REDIC1: variants seen among roughly 807,000 people sequenced by gnomAD.
REDIC1 encodes the protein HEI10 Interacting Protein 1.
At chr12:39,821,476 G>C in the REDIC1 span, among the ~76,000 whole-genome samples, 8 of 152,070 alleles carry the variant, frequency 5.3e-5, no homozygotes, top group Non-Finnish European at 1.2e-4. Flanking sequence ...ATATCAGTCA[G>C]AAGAGAATAG....
At chr12:39,713,641 A>G in the REDIC1 span, among the ~76,000 whole-genome samples, 4 of 149,704 alleles carry the variant, frequency 2.7e-5, no homozygotes, top group African/African-American at 7.3e-5. Context: ...GTACATATGT[A>G]TATATACCTG....
the REDIC1 span, among the ~76,000 whole-genome samples, chr12:39,890,226 TG>T: frequency 1.3e-5 from 2 of 152,192 alleles, no homozygotes; most frequent in African/African-American, 4.8e-5. Flanking sequence ...CCTGGCCATT[TG>T]TTTACCTTAA....
chr12:39,862,003 C>G, the REDIC1 span, among the ~76,000 whole-genome samples: 1 of 152,200 alleles, frequency 6.6e-6, no homozygotes, highest in African/African-American at 2.4e-5. Flanking sequence ...CATGCATTAG[C>G]TATTTATCCA....
chr12:39,646,647 C>T, the REDIC1 span, among the ~76,000 whole-genome samples: 1 of 151,760 alleles, frequency 6.6e-6, no homozygotes, highest in Middle Eastern at 3.4e-3. Flanking sequence ...CTTTGTTTGA[C>T]TTACCTTATC....
chr12:39,900,259 C>G, the REDIC1 span, among the ~76,000 whole-genome samples: 93 of 152,194 alleles, frequency 6.1e-4, no homozygotes, highest in African/African-American at 1.9e-3. Flanking sequence ...AAACTGGAAG[C>G]ATTCCCTTTG....
the REDIC1 span, among the ~76,000 whole-genome samples, chr12:39,882,993 C>T: frequency 5.3e-5 from 8 of 152,084 alleles, no homozygotes; most frequent in South Asian, 2.1e-4. Context: ...TTTTTAGGCG[C>T]TTAGTGTTTA....
At chr12:39,638,827 A>C in the REDIC1 span, among the ~76,000 whole-genome samples, 10 of 151,946 alleles carry the variant, frequency 6.6e-5, no homozygotes, top group African/African-American at 2.2e-4. Flanking sequence ...TTTCTTAGGC[A>C]CATAGGGATG....
the REDIC1 span, among the ~76,000 whole-genome samples, chr12:39,766,570 A>C: frequency 0.97 from 147,820 of 152,018 alleles, 71,868 homozygotes; most frequent in East Asian, 1. Context: ...GGAAGTTTGC[A>C]AAATTGACTG....
chr12:39,806,428 T>C, the REDIC1 span, among the ~76,000 whole-genome samples: 3 of 152,190 alleles, frequency 2.0e-5, no homozygotes, highest in Non-Finnish European at 2.9e-5. Context: ...ACAAGGCACT[T>C]TTTCTCCTAA....
At chr12:39,843,885 G>A in the REDIC1 span, among the ~76,000 whole-genome samples, 3 of 151,930 alleles carry the variant, frequency 2.0e-5, no homozygotes, top group Non-Finnish European at 4.4e-5. Context: ...CTGGTTCTGA[G>A]CTATAGTATA....
the REDIC1 span, among the ~76,000 whole-genome samples, chr12:39,697,443 A>G: frequency 1.3e-5 from 2 of 152,202 alleles, no homozygotes; most frequent in African/African-American, 4.8e-5. Context: ...ACTGATAATA[A>G]TAAGTACACA....
the REDIC1 span, among the ~76,000 whole-genome samples, chr12:39,710,400 C>G: frequency 6.6e-6 from 1 of 151,722 alleles, no homozygotes; most frequent in Admixed American, 6.6e-5. Context: ...CTTCTCTATC[C>G]CAATTTCACA....
At chr12:39,712,793 G>A in the REDIC1 span, among the ~76,000 whole-genome samples, 2 of 104,752 alleles carry the variant, frequency 1.9e-5, no homozygotes, top group African/African-American at 3.2e-5. Context: ...ATACGTATAT[G>A]TATATATGTG....
the REDIC1 span, among the ~76,000 whole-genome samples, chr12:39,846,315 G>A: frequency 1.3e-5 from 2 of 152,118 alleles, no homozygotes; most frequent in Non-Finnish European, 2.9e-5. Flanking sequence ...TTGGACAATA[G>A]GAGCATCACA....
At chr12:39,901,637 A>G in the REDIC1 span, among the ~76,000 whole-genome samples, 1 of 126,784 alleles carries the variant, frequency 7.9e-6, no homozygotes, top group African/African-American at 3.0e-5. Flanking sequence ...CAAAACCACA[A>G]TGAGATACCA....
At chr12:39,707,090 G>A in the REDIC1 span, among the ~76,000 whole-genome samples, 1 of 151,882 alleles carries the variant, frequency 6.6e-6, no homozygotes, top group East Asian at 1.9e-4. Flanking sequence ...CCCACAATGG[G>A]AGAAAATATT....
At chr12:39,858,869 G>C in the REDIC1 span, among the ~76,000 whole-genome samples, 1 of 152,190 alleles carries the variant, frequency 6.6e-6, no homozygotes, top group Non-Finnish European at 1.5e-5. Flanking sequence ...GCCTCCCAAA[G>C]TGCTGGGATT....
At chr12:39,716,827 A>G in the REDIC1 span, 7 of 1,594,890 alleles carry the variant, frequency 4.4e-6, no homozygotes, top group Non-Finnish European at 6.0e-6. Context: ...TTTCAGTTCT[A>G]GTTCAGATTT....
At chr12:39,752,148 C>T in the REDIC1 span, among the ~76,000 whole-genome samples, 1 of 152,148 alleles carries the variant, frequency 6.6e-6, no homozygotes, top group Non-Finnish European at 1.5e-5. Context: ...TGCAGTGTAT[C>T]TTCTAGCGTG....
Sources: gnomAD v4.1 joint callset for allele counts (sites outside exome capture counted in the v4.1 genomes callset) on GRCh38, gnomAD v4.1.1 for gene constraint, MANE v1.5 for transcripts, NCBI Gene and HGNC (gene_info 2026-07-23, HGNC 2026-07-21) for gene names.